The following TESK1 variants were observed in gnomAD, a reference collection of about 807,000 sequenced individuals.
TESK1 encodes dual specificity testis-specific protein kinase 1.
A neutral mutation model predicts 59.9 loss-of-function variants in TESK1; 18 were observed. That is an observed-to-expected ratio of 0.30 (90% CI 0.21 to 0.45). The LOEUF (loss-of-function observed/expected upper bound fraction) is 0.45, where lower values mean the gene tolerates loss of function less well. Among genes scored for constraint, TESK1 ranks in the 20% least tolerant of loss-of-function variants. The pLI, the probability that TESK1 is intolerant of heterozygous loss-of-function variation, is 1.00. For missense variants in TESK1, 748 were observed against 840.9 expected, an observed-to-expected ratio of 0.89 and a Z score of 1.37; for synonymous variants, 341 against 357.4, an observed-to-expected ratio of 0.95 and a Z score of 0.52.
At position 35,605,603 on chromosome 9, in the gene TESK1, G is replaced by C. The variant is rs1822827585; in HGVS notation, c.-17G>C. On this transcript the variant is annotated 5_prime_UTR_variant, in exon 1 of 10. Coordinates refer to ENST00000336395, the MANE Select transcript of TESK1 (RefSeq NM_006285.3). ...GGACCCTGCCATGTGAGGCAGGCCC[G>C]GGCTGGGGGCCCGGCCATGGCCGGG... is the stretch of plus-strand genomic sequence containing the variant. The C allele has an allele frequency of 2.4e-5, 25 of 1,025,244 alleles. No individual in the cohort carries two copies. Among genetic ancestry groups the C allele is most frequent in the Non-Finnish European group, 3.1e-5 (25 of 814,514 alleles). 63.5% of individuals were successfully genotyped at this position (1,025,244 alleles called of 1,614,324 possible).
chr9:35,605,778 T>C lies in TESK1; in HGVS notation c.159T>C (p.Arg53=), dbSNP rs1488678666. The change falls in exon 1 of 10, where the codon CGT becomes CGC. Residue 53 remains arginine (R), a synonymous_variant. Coordinates refer to ENST00000336395, the MANE Select transcript of TESK1 (RefSeq NM_006285.3). The part of the protein sequence containing the change: ...ALRSAVSSLA[R]VDDFHCAEKI... ...GCAGCGCCGTGTCTAGCCTGGCGCG[T>C]GTGGACGATTTTCACTGCGCGGAGA... 6.2e-7 allele frequency: 1 copy of C among 1,610,148 alleles called. No homozygotes were observed. Among genetic ancestry groups the C allele is most frequent in the African/African-American group, 1.3e-5 (1 of 74,564 alleles).
Position 35,605,656 on chromosome 9 carries a change from C to G in TESK1, c.37C>G (p.Pro13Ala). 7.8e-7 allele frequency: 1 copy of G among 1,280,054 alleles called. No individual in the cohort carries two copies. The highest frequency in any genetic ancestry group is 9.9e-7 in the Non-Finnish European group (1 of 1,014,204). The allele number at this position is 1,280,054 out of a possible 1,614,324, so 79.3% of individuals were successfully genotyped here. A position where few individuals can be genotyped will look rare whatever the true frequency, so the allele number is the denominator to read the frequency against. Residue 13 changes from proline (P) to alanine (A), a missense_variant, in exon 1 of 10, where the codon CCC becomes GCC. Pro to Ala is a conservative substitution (Grantham distance 27, BLOSUM62 -1). Around this residue, in one of 3 missense-constraint regions of TESK1, gnomAD observed 133 missense variants for 117.4 expected, o/e 1.13. Transcript: ENST00000336395. The stretch of plus-strand genomic sequence containing the variant: ...ACGGCCCCCACTGCGGGGCCCTGGG[C>G]CCGGGCCTGGAGAGGTGCCGGGGGA... ...GERPPLRGPG[P>A]GPGEVPGEGP...
chr9:35,609,259 G>C lies in TESK1; in HGVS notation c.1398G>C (p.Glu466Asp), dbSNP rs764895059. 5.0e-6 allele frequency: 8 copies of C among 1,614,172 alleles called. No homozygotes were observed. Among genetic ancestry groups the C allele is most frequent in the Non-Finnish European group, 5.1e-6 (6 of 1,180,018 alleles). Reference protein sequence around the residue: ...GPPAVGPSAEEKMECEGSSPE... With the variant: ...GPPAVGPSAEDKMECEGSSPE... The stretch of plus-strand genomic sequence containing the variant: ...CCGCTGTGGGCCCCTCGGCTGAAGA[G>C]AAGATGGAGTGCGAGGGCAGCAGCC... Residue 466 changes from glutamate (E) to aspartate (D), a missense_variant, in exon 10 of 10, where the codon GAG becomes GAC. Glu to Asp is a conservative substitution (Grantham distance 45). Transcript: ENST00000336395. The surrounding 1 kb of genome is among the most constrained non-coding windows in gnomAD (Gnocchi z 6.7).
intron 2 of TESK1, 49 bp downstream of exon 2, chr9:35,606,154 A>G (rs776453704): frequency 3.7e-6 from 6 of 1,614,088 alleles, no homozygotes; most frequent in Non-Finnish European, 5.1e-6. Flanking sequence ...AGAGAAAGGG[A>G]AAGATCCCGC....
rs759927414 is a variant in TESK1 at position 35,607,690 on chromosome 9, C to T, written c.711+18C>T. On this transcript the variant is annotated intron_variant, in intron 6 of 9. Coordinates refer to ENST00000336395, the MANE Select transcript of TESK1 (RefSeq NM_006285.3). This position sits in a 1 kb window ranked among gnomAD's most constrained non-coding sequence, Gnocchi z 4.5. ...ATGAGAAGGTGAGACATCAACCCTTCAGATCCCCAAGGCCTTCCGAGACCC... is the reference window on the plus strand; with the variant it reads ...ATGAGAAGGTGAGACATCAACCCTTTAGATCCCCAAGGCCTTCCGAGACCC... The T allele has an allele frequency of 2.5e-6, 4 of 1,604,010 alleles. No individual in the cohort carries two copies. The highest frequency in any genetic ancestry group is 2.2e-5 in the South Asian group (2 of 90,844).
In TESK1 at chr9:35,607,792, G is replaced by A; in HGVS notation, c.711+120G>A. 1 of 1,259,688 alleles carries A rather than the reference G, an allele frequency of 7.9e-7. No individual in the cohort carries two copies. The highest frequency in any genetic ancestry group is 1.1e-6 in the Non-Finnish European group (1 of 887,714). The allele number at this position is 1,259,688 out of a possible 1,614,324, so 78.0% of individuals were successfully genotyped here. ...CTTCAGGAGTCCCCAAGATCCCTTT[G>A]CCCCTCACAGGCACCCTTCTAACAC... On this transcript the variant is annotated intron_variant, in intron 6 of 9. Coordinates refer to ENST00000336395, the MANE Select transcript of TESK1 (RefSeq NM_006285.3). The surrounding 1 kb of genome is among the most constrained non-coding windows in gnomAD (Gnocchi z 4.5).
At chr9:35,608,060 A>G in intron 7 of TESK1, 49 bp downstream of exon 7, 2 of 1,611,206 alleles carry the variant, frequency 1.2e-6, no homozygotes, top group South Asian at 2.2e-5. Context: ...TAGCTGGCTC[A>G]TAACCAAGGA....
intron 1 of TESK1, 58 bp downstream of exon 1, chr9:35,605,896 C>G: frequency 6.2e-7 from 1 of 1,606,318 alleles, no homozygotes; most frequent in Non-Finnish European, 8.5e-7. Context: ...GAGGCTGAAA[C>G]TAGGGGGCCG....
rs750430927 is a variant in TESK1 at position 35,608,297 on chromosome 9, G to A, written c.885+48G>A. The A allele has an allele frequency of 4.3e-6, 7 of 1,610,138 alleles. No homozygotes were observed. In the South Asian group the frequency reaches 4.4e-5, roughly 10 times the overall value. On this transcript the variant is annotated intron_variant, in intron 8 of 9. Transcript: ENST00000336395. The stretch of plus-strand genomic sequence containing the variant: ...TGCCCCACCCTGCCCCCATCCGTAA[G>A]CTGCCATGGCTGCCCTGTGGGACCC...
Position 35,607,674 on chromosome 9 carries a change from T to G in TESK1, c.711+2T>G. 6.2e-7 allele frequency: 1 copy of G among 1,612,506 alleles called. No homozygotes were observed. The highest frequency in any genetic ancestry group is 1.1e-5 in the South Asian group (1 of 91,044). On this transcript the variant is annotated splice_donor_variant, in intron 6 of 9. Transcript: ENST00000336395. LOFTEE classifies it high-confidence loss of function. This position sits in a 1 kb window ranked among gnomAD's most constrained non-coding sequence, Gnocchi z 4.5. ...CGGGGTGAGCTGTATGATGAGAAGGTGAGACATCAACCCTTCAGATCCCCA... is the reference window on the plus strand; with the variant it reads ...CGGGGTGAGCTGTATGATGAGAAGGGGAGACATCAACCCTTCAGATCCCCA...
chr9:35,609,793 G>C lies in TESK1; in HGVS notation c.*51G>C. On this transcript the variant is annotated 3_prime_UTR_variant, in exon 10 of 10. Coordinates refer to ENST00000336395, the MANE Select transcript of TESK1 (RefSeq NM_006285.3). The surrounding 1 kb of genome is among the most constrained non-coding windows in gnomAD (Gnocchi z 6.7). ...CCAACTTTGGCCTTCAGGACACCCT[G>C]TAAGAACAGAGCACACTTGCTGGAC... 1 of 1,487,376 alleles carries C rather than the reference G, an allele frequency of 6.7e-7. No individual in the cohort carries two copies. The highest frequency in any genetic ancestry group is 1.3e-5 in the South Asian group (1 of 75,636). The allele number at this position is 1,487,376 out of a possible 1,614,324, so 92.1% of individuals were successfully genotyped here.
At position 35,605,705 on chromosome 9, in the gene TESK1, C is replaced by G. The variant is rs769821154; in HGVS notation, c.86C>G (p.Thr29Arg). Residue 29 changes from threonine to arginine, a missense_variant, in exon 1 of 10, where the codon ACG (threonine) becomes AGG (arginine). Physicochemically the swap from Thr to Arg is moderately conservative, Grantham distance 71. This residue lies in a region of TESK1 where 133 missense variants were observed against 117.4 expected (regional missense o/e 1.13). Coordinates refer to ENST00000336395, the MANE Select transcript of TESK1 (RefSeq NM_006285.3). ...GAGGGGCCCCCGGGGCCGGGGGGCACGGGCGGAGGCCCGGGCCGGGGCCGC... is the reference window on the plus strand; with the variant it reads ...GAGGGGCCCCCGGGGCCGGGGGGCAGGGGCGGAGGCCCGGGCCGGGGCCGC... ...PGEGPPGPGG[T>R]GGGPGRGRPS... 1.3e-6 allele frequency: 2 copies of G among 1,510,564 alleles called. No homozygotes were observed. The highest frequency in any genetic ancestry group is 2.3e-5 in the Admixed American group (1 of 43,358). 93.6% of individuals were successfully genotyped at this position (1,510,564 alleles called of 1,614,324 possible).
intron 3 of TESK1, 44 bp from the exon 4 acceptor site, chr9:35,606,793 G>C: frequency 6.4e-7 from 1 of 1,557,504 alleles, no homozygotes; most frequent in Non-Finnish European, 8.7e-7. Context: ...CTAGAATACA[G>C]ACTGAAGTCT....
intron 3 of TESK1, 54 bp from the exon 4 acceptor site, chr9:35,606,783 C>T: frequency 6.5e-7 from 1 of 1,541,694 alleles, no homozygotes; most frequent in Non-Finnish European, 8.8e-7. Context: ...AGTGGGGGAC[C>T]TAGAATACAG....
Position 35,607,807 on chromosome 9 carries a change from C to A in TESK1, c.712-121C>A. On this transcript the variant is annotated intron_variant, in intron 6 of 9. Coordinates refer to ENST00000336395, the MANE Select transcript of TESK1 (RefSeq NM_006285.3). The surrounding 1 kb of genome is among the most constrained non-coding windows in gnomAD (Gnocchi z 4.5). ...AGATCCCTTTGCCCCTCACAGGCAC[C>A]CTTCTAACACATGAAAACTGTCAAG... The A allele has an allele frequency of 7.7e-7, 1 of 1,293,770 alleles. No individual in the cohort carries two copies. The highest frequency in any genetic ancestry group is 2.4e-5 in the East Asian group (1 of 41,756). The allele number at this position is 1,293,770 out of a possible 1,614,324, so 80.1% of individuals were successfully genotyped here. A position where few individuals can be genotyped will look rare whatever the true frequency, so the allele number is the denominator to read the frequency against.
chr9:35,606,401 CAG>C (rs1354362070), intron 3 of TESK1, 116 bp downstream of exon 3: 32 of 1,287,466 alleles, frequency 2.5e-5, no homozygotes, highest in Non-Finnish European at 3.3e-5. Flanking sequence ...GATCTCCTCT[CAG>C]GGGAGGCTTT....
At position 35,608,865 on chromosome 9, in the gene TESK1, C is replaced by G; in HGVS notation, c.1004C>G (p.Ser335Cys). 2.5e-6 allele frequency: 4 copies of G among 1,581,588 alleles called. No homozygotes were observed. Among genetic ancestry groups the G allele is most frequent in the Non-Finnish European group, 3.4e-6 (4 of 1,163,336 alleles). Residue 335 changes from serine to cysteine, a missense_variant, in exon 10 of 10, where the codon TCT becomes TGT. This residue lies in a region of TESK1 where 447 missense variants were observed against 466.1 expected (regional missense o/e 0.96). Transcript: ENST00000336395. ...TRTALTHNQG[S>C]VARGGPSATL... ...TTCCAGACTTCTCTATCTACAGGCT[C>G]TGTTGCAAGAGGGGGTCCCTCTGCC...
Position 35,609,537 on chromosome 9 carries a change from C to T in TESK1, c.1676C>T (p.Pro559Leu). ...RTEPSPPPSA[P>L]REPDEGLPCP... ...GAACCCTCGCCACCCCCTTCAGCTC[C>T]CCGGGAGCCCGATGAGGGGCTGCCC... is the stretch of plus-strand genomic sequence containing the variant. Residue 559 changes from proline (P) to leucine (L), a missense_variant, in exon 10 of 10, where the codon CCC becomes CTC. Physicochemically the swap from Pro to Leu is moderately conservative, Grantham distance 98. Transcript: ENST00000336395. This position sits in a 1 kb window ranked among gnomAD's most constrained non-coding sequence, Gnocchi z 6.7. The T allele has an allele frequency of 6.2e-7, 1 of 1,612,536 alleles. No individual in the cohort carries two copies.
At chr9:35,605,922 G>A (rs1822838588) in intron 1 of TESK1, 62 bp from the exon 2 acceptor site, 1 of 1,608,064 alleles carries the variant, frequency 6.2e-7, no homozygotes, top group Non-Finnish European at 8.5e-7. Flanking sequence ...GCGGGGAAGA[G>A]GGTCCAGACT....
Sources: allele counts gnomAD v4.1 joint callset, GRCh38; gene constraint gnomAD v4.1.1; regional missense constraint gnomAD v4.1.1; non-coding constraint Gnocchi (gnomAD v3.1); transcripts MANE v1.5; gene names NCBI Gene and HGNC (gene_info 2026-07-23, HGNC 2026-07-21).